The following PDE4B variants were observed in gnomAD, a reference collection of about 807,000 sequenced individuals.
PDE4B encodes the protein phosphodiesterase 4B.
In PDE4B, 20 loss-of-function variants were observed where a neutral mutation model predicts 82.2. The observed-to-expected ratio is 0.24, with a 90% confidence interval of 0.17 to 0.35. PDE4B has a LOEUF of 0.35. PDE4B is among the 10% of genes least tolerant of loss of function. The pLI, the probability that PDE4B is intolerant of heterozygous loss-of-function variation, is 1.00. For synonymous variants in PDE4B, 320 were observed against 318.9 expected (o/e 1.00, Z -0.04); for missense variants, 655 against 907.2 (o/e 0.72, Z 3.57).
intron 3 of PDE4B, among the ~76,000 whole-genome samples, chr1:66,178,246 A>C (rs1178413322): frequency 6.6e-6 from 1 of 152,130 alleles, no homozygotes; most frequent in African/African-American, 2.4e-5. Context: ...ATGCCAATTT[A>C]GGGTACCTTA....
In PDE4B at chr1:65,825,705, C is replaced by CCTGTCTGTCTGT. The variant is rs752252352; in HGVS notation, c.-71+32459_-71+32460insGTCTGTCTGTCT. 7.2e-3 allele frequency among the ~76,000 whole-genome samples: 772 copies of CCTGTCTGTCTGT among 107,444 alleles called. 5 individuals carry two copies. Among genetic ancestry groups the CCTGTCTGTCTGT allele is most frequent in the African/African-American group, 0.024 (744 of 31,056 alleles). 70.5% of individuals were successfully genotyped at this position (107,444 alleles called of 152,430 possible). ...TAAAAAAAAATTAAAAACAAAATTA[C>CCTGTCTGTCTGT]CTATCTATCTATCTATCTATCTATC... On this transcript the variant is annotated intron_variant, in intron 1 of 16. Coordinates refer to ENST00000341517, the MANE Select transcript of PDE4B (RefSeq NM_002600.4).
chr1:66,268,658 A>G (rs1388450062), intron 7 of PDE4B, among the ~76,000 whole-genome samples: 26 of 125,222 alleles, frequency 2.1e-4, no homozygotes, highest in Non-Finnish European at 8.2e-5. Context: ...ACAGAGCAAG[A>G]CTCCATCTCA....
At chr1:66,105,485 T>C (rs938310786) in intron 3 of PDE4B, among the ~76,000 whole-genome samples, 1 of 152,176 alleles carries the variant, frequency 6.6e-6, no homozygotes, top group Non-Finnish European at 1.5e-5. Context: ...AGAAAGTCAT[T>C]GGTAACTTGA....
intron 1 of PDE4B, among the ~76,000 whole-genome samples, chr1:65,889,777 T>C (rs774033698): frequency 7.9e-5 from 12 of 152,166 alleles, no homozygotes; most frequent in Non-Finnish European, 2.9e-5. Flanking sequence ...GTACCTTTGC[T>C]AACAAGCTTC....
At chr1:65,808,290 A>G (rs539310056) in intron 1 of PDE4B, among the ~76,000 whole-genome samples, 7 of 150,768 alleles carry the variant, frequency 4.6e-5, no homozygotes, top group South Asian at 2.1e-4. Flanking sequence ...TCCTGCCTCA[A>G]CCTCCCAAGT....
At chr1:65,841,787 A>C (rs535936565) in intron 1 of PDE4B, among the ~76,000 whole-genome samples, 1 of 152,306 alleles carries the variant, frequency 6.6e-6, no homozygotes, top group Non-Finnish European at 1.5e-5. Context: ...TTTAATCAAT[A>C]GATTAAAAGT....
intron 1 of PDE4B, among the ~76,000 whole-genome samples, chr1:65,852,381 C>A (rs890797999): frequency 3.3e-5 from 5 of 151,758 alleles, no homozygotes; most frequent in Non-Finnish European, 7.4e-5. Context: ...ATAAAGAATT[C>A]AATATTTAAT....
chr1:65,831,383 A>C (rs1293055329), intron 1 of PDE4B, among the ~76,000 whole-genome samples: 1 of 152,162 alleles, frequency 6.6e-6, no homozygotes, highest in East Asian at 1.9e-4. Flanking sequence ...CATTGATAGA[A>C]TAGTAAGGAG....
chr1:65,977,739 T>A (rs1039445236), intron 3 of PDE4B, among the ~76,000 whole-genome samples: 5 of 152,228 alleles, frequency 3.3e-5, no homozygotes, highest in Non-Finnish European at 7.3e-5. Context: ...ATACCATATT[T>A]GCTCTTTGCT....
At chr1:65,837,395 C>T (rs116646037) in intron 1 of PDE4B, among the ~76,000 whole-genome samples, 4,565 of 152,036 alleles carry the variant, frequency 0.03, 172 homozygotes, top group East Asian at 0.12. Flanking sequence ...AGTTCAAGAC[C>T]AGCCTGCCTC....
chr1:65,819,402 A>G (rs1645924660), intron 1 of PDE4B, among the ~76,000 whole-genome samples: 1 of 152,190 alleles, frequency 6.6e-6, no homozygotes, highest in African/African-American at 2.4e-5. Flanking sequence ...TGATTAGTCT[A>G]ACTCCAGAGA....
At chr1:66,258,000 A>G (rs759395582) in intron 6 of PDE4B, 137 bp downstream of exon 6, 9 of 633,364 alleles carry the variant, frequency 1.4e-5, no homozygotes, top group Non-Finnish European at 2.5e-5. Flanking sequence ...AAATTTGAAA[A>G]CAGGATGGAG....
rs540944249 is a variant in PDE4B, at chr1:66,331,712, G to A, written c.635-796G>A. 23 of 984,094 alleles carry A rather than the reference G, an allele frequency of 2.3e-5. No homozygotes were observed. In the South Asian group the frequency reaches 7.5e-4, roughly 32 times the overall value. 61.0% of individuals were successfully genotyped at this position (984,094 alleles called of 1,614,324 possible). A position where few individuals can be genotyped will look rare whatever the true frequency, so the allele number is the denominator to read the frequency against. ...TGAAAGTCCGGTTCAGAATTTCCCT[G>A]TGATCCTGGCACTTGCAGAAGGGAA... On this transcript the variant is annotated intron_variant, in intron 7 of 16. Transcript: ENST00000341517.
chr1:65,926,487 T>A (rs1647508806), intron 3 of PDE4B, among the ~76,000 whole-genome samples: 1 of 152,178 alleles, frequency 6.6e-6, no homozygotes, highest in South Asian at 2.1e-4. Flanking sequence ...TACTGGGACC[T>A]ATTTCTTTGA....
intron 3 of PDE4B, among the ~76,000 whole-genome samples, chr1:65,982,030 G>A (rs1243968832): frequency 6.6e-6 from 1 of 152,152 alleles, no homozygotes; most frequent in African/African-American, 2.4e-5. Context: ...ACTTTAAAAT[G>A]TGGAATTTGG....
intron 3 of PDE4B, among the ~76,000 whole-genome samples, chr1:65,962,706 T>C (rs1649603950): frequency 6.6e-6 from 1 of 151,984 alleles, no homozygotes. Context: ...CGGAGAGAAA[T>C]GGAGAGCAGC....
chr1:66,045,026 C>A (rs182474143), intron 3 of PDE4B, among the ~76,000 whole-genome samples: 13 of 151,732 alleles, frequency 8.6e-5, no homozygotes, highest in African/African-American at 2.7e-4. Context: ...AAATAACCAG[C>A]CACTATATGT....
At chr1:66,248,319 G>A (rs375620031) in intron 4 of PDE4B, among the ~76,000 whole-genome samples, 8 of 152,142 alleles carry the variant, frequency 5.3e-5, no homozygotes, top group Non-Finnish European at 8.8e-5. Flanking sequence ...AAATAAAATT[G>A]GATTCTGGAA....
At chr1:65,987,280 G>A (rs1361418180) in intron 3 of PDE4B, among the ~76,000 whole-genome samples, 2 of 152,092 alleles carry the variant, frequency 1.3e-5, no homozygotes, top group Non-Finnish European at 2.9e-5. Context: ...GGCTAAAACT[G>A]ATCTTTCTGA....
Sources: allele counts gnomAD v4.1 joint callset (sites outside exome capture counted in the v4.1 genomes callset), GRCh38; gene constraint gnomAD v4.1.1; transcripts MANE v1.5; gene names NCBI Gene and HGNC (gene_info 2026-07-23, HGNC 2026-07-21).